AIRIM: variants seen among roughly 807,000 people sequenced by gnomAD.
AIRIM encodes AFG2-interacting ribosome maturation factor.
the AIRIM span, chr1:37,686,517 T>C: frequency 6.7e-7 from 1 of 1,487,798 alleles, no homozygotes; most frequent in Non-Finnish European, 9.1e-7. Flanking sequence ...TTTCTCAATT[T>C]TGGCACTACT....
the AIRIM span, among the ~76,000 whole-genome samples, chr1:37,685,200 G>T: frequency 1.0e-4 from 13 of 125,952 alleles, no homozygotes; most frequent in South Asian, 6.8e-4. Flanking sequence ...TTTGGGGGGG[G>T]GGGGTGGGCG....
At chr1:37,681,868 A>C in the AIRIM span, 1 of 152,256 alleles carries the variant, frequency 6.6e-6, no homozygotes, top group Non-Finnish European at 1.5e-5. Flanking sequence ...AAATTACATT[A>C]GGTTTTTTAA....
the AIRIM span, chr1:37,691,364 C>T: frequency 1.3e-5 from 2 of 152,258 alleles, no homozygotes; most frequent in African/African-American, 4.8e-5. Context: ...CTCCCATAGC[C>T]TATAACATGC....
chr1:37,687,624 T>G, the AIRIM span, among the ~76,000 whole-genome samples: 2 of 151,938 alleles, frequency 1.3e-5, no homozygotes, highest in African/African-American at 4.8e-5. Context: ...TGGCATGCTC[T>G]TGGAATCCCA....
At chr1:37,691,544 C>A in the AIRIM span, 1 of 155,180 alleles carries the variant, frequency 6.4e-6, no homozygotes. Context: ...TAGCCTCTAG[C>A]CTTCTGGGTC....
chr1:37,690,602 G>GTACCCAGAAGTCAT, the AIRIM span: 1 of 574,140 alleles, frequency 1.7e-6, no homozygotes, highest in Non-Finnish European at 2.6e-6. Flanking sequence ...ATATATCGTA[G>GTACCCAGAAGTCAT]TGCCGCAATG....
At chr1:37,682,143 A>G in the AIRIM span, 1 of 152,130 alleles carries the variant, frequency 6.6e-6, no homozygotes, top group Admixed American at 6.6e-5. Context: ...TACATTTTAC[A>G]TTTTTTCTAG....
the AIRIM span, chr1:37,689,878 C>G: frequency 1.9e-6 from 3 of 1,546,814 alleles, no homozygotes; most frequent in South Asian, 1.2e-5. Flanking sequence ...GGTCTTGAGT[C>G]ATCTTCTGCT....
At chr1:37,686,934 A>G in the AIRIM span, among the ~76,000 whole-genome samples, 3 of 151,842 alleles carry the variant, frequency 2.0e-5, no homozygotes, top group Admixed American at 1.3e-4. Context: ...GTGGTGGTGC[A>G]CACCTGTAGA....
At chr1:37,684,787 CAA>C in the AIRIM span, among the ~76,000 whole-genome samples, 25 of 152,196 alleles carry the variant, frequency 1.6e-4, no homozygotes, top group Non-Finnish European at 2.9e-4. Context: ...AGACCAGAGA[CAA>C]GAAAAGTTGG....
the AIRIM span, among the ~76,000 whole-genome samples, chr1:37,687,059 AGTGTGTGTGTGTGTGTGTGT>A: frequency 1.4e-3 from 192 of 141,396 alleles, no homozygotes; most frequent in Non-Finnish European, 2.2e-3. Flanking sequence ...CCGTCTCAAA[AGTGTGTGTGTGTGTGTGTGT>A]GTGTGTGTGT....
the AIRIM span, chr1:37,683,442 C>T: frequency 6.2e-7 from 1 of 1,613,260 alleles, no homozygotes; most frequent in Admixed American, 1.7e-5. Context: ...AGGTACCTTT[C>T]TGGAAGTTAA....
the AIRIM span, among the ~76,000 whole-genome samples, chr1:37,688,703 T>A: frequency 6.6e-6 from 1 of 152,308 alleles, no homozygotes; most frequent in East Asian, 1.9e-4. Context: ...AACTTTCTTT[T>A]GTTCCAGTTC....
At chr1:37,685,564 T>G in the AIRIM span, among the ~76,000 whole-genome samples, 2 of 151,916 alleles carry the variant, frequency 1.3e-5, no homozygotes, top group Non-Finnish European at 2.9e-5. Flanking sequence ...ATTTTTGTAT[T>G]TTTTGTAGAG....
the AIRIM span, among the ~76,000 whole-genome samples, chr1:37,684,364 G>A: frequency 1.3e-5 from 2 of 152,164 alleles, no homozygotes; most frequent in African/African-American, 4.8e-5. Context: ...AGCCGGGCGC[G>A]GTGGCTCGAG....
At chr1:37,689,520 A>G in the AIRIM span, 22 of 1,430,250 alleles carry the variant, frequency 1.5e-5, no homozygotes, top group Admixed American at 2.5e-5. Flanking sequence ...AAGGAGAAAA[A>G]CACCTTCTGG....
At chr1:37,689,886 G>T in the AIRIM span, 12 of 1,538,120 alleles carry the variant, frequency 7.8e-6, no homozygotes, top group Admixed American at 2.3e-4. Flanking sequence ...GTCATCTTCT[G>T]CTGAAAAAGA....
At chr1:37,687,086 G>A in the AIRIM span, among the ~76,000 whole-genome samples, 28 of 143,654 alleles carry the variant, frequency 1.9e-4, no homozygotes, top group African/African-American at 7.4e-4. Context: ...GTGTGTGTGT[G>A]TGTGTGTGTG....
At chr1:37,688,127 G>A in the AIRIM span, among the ~76,000 whole-genome samples, 1,412 of 152,262 alleles carry the variant, frequency 9.3e-3, 22 homozygotes, top group African/African-American at 0.032. Flanking sequence ...GACAGTCTTG[G>A]CTCACTGCAA....
Sources: gnomAD v4.1 joint callset for allele counts (sites outside exome capture counted in the v4.1 genomes callset) on GRCh38, gnomAD v4.1.1 for gene constraint, MANE v1.5 for transcripts, NCBI Gene and HGNC (gene_info 2026-07-23, HGNC 2026-07-21) for gene names.